The following RBFOX3 variants were observed in gnomAD, a reference collection of about 807,000 sequenced individuals.
The protein encoded by RBFOX3 is RNA binding fox-1 homolog 3.
Under a neutral mutation model 48.7 loss-of-function variants are expected in RBFOX3, and 17 were observed. That is an observed-to-expected ratio of 0.35 (90% CI 0.24 to 0.52). The LOEUF is 0.52. Among genes scored for constraint, RBFOX3 ranks in the 20% least tolerant of loss-of-function variants. RBFOX3 has a pLI of 0.94. For synonymous variants in RBFOX3, 212 were observed against 209.5 expected, an observed-to-expected ratio of 1.01 and a Z score of -0.10; for missense variants, 382 against 497.5, an observed-to-expected ratio of 0.77 and a Z score of 2.21.
At chr17:79,407,259 C>T (rs948134935) in intron 2 of RBFOX3, among the ~76,000 whole-genome samples, 6 of 152,354 alleles carry the variant, frequency 3.9e-5, no homozygotes, top group African/African-American at 4.8e-5. Flanking sequence ...CCACCTGCCT[C>T]GGCCTCCCAA....
rs988960861 is a variant in RBFOX3 at position 79,578,870 on chromosome 17, G to A, written c.-320+31956C>T. Reference sequence around the variant, plus strand: ...GGTCTTTGCCCAGGGCTGACCTCAGGGCTCGCTCCATCACCGCATGACCCC... The same window carrying A: ...GGTCTTTGCCCAGGGCTGACCTCAGAGCTCGCTCCATCACCGCATGACCCC... On this transcript the variant is annotated intron_variant, in intron 1 of 14. Coordinates refer to ENST00000693108, the MANE Select transcript of RBFOX3 (RefSeq NM_001350451.2). Among the ~76,000 whole-genome samples the A allele has an allele frequency of 8.3e-4, 126 of 152,204 alleles. 4 individuals carry two copies. The South Asian group carries it at 0.018, about 22-fold the overall frequency.
intron 2 of RBFOX3, among the ~76,000 whole-genome samples, chr17:79,475,127 G>C (rs2077545385): frequency 6.6e-6 from 1 of 152,138 alleles, no homozygotes; most frequent in Non-Finnish European, 1.5e-5. Flanking sequence ...TTGTTCTCAA[G>C]TCCGATCTCA....
intron 4 of RBFOX3, among the ~76,000 whole-genome samples, chr17:79,137,654 C>T (rs994316585): frequency 5.0e-5 from 7 of 140,984 alleles, no homozygotes; most frequent in South Asian, 2.3e-4. Flanking sequence ...CCCGGGCACG[C>T]GGGGAGGGTG....
intron 2 of RBFOX3, among the ~76,000 whole-genome samples, chr17:79,382,540 A>C (rs1268682442): frequency 1.3e-5 from 2 of 150,482 alleles, no homozygotes; most frequent in Admixed American, 1.3e-4. Flanking sequence ...TGACACGGGC[A>C]GGCGGGGCCC....
rs143130342 is a variant in RBFOX3 at position 79,428,313 on chromosome 17, C to A, written c.-175+54141G>T. Among the ~76,000 whole-genome samples, 294 of 152,292 alleles carry A rather than the reference C, an allele frequency of 1.9e-3. 1 individual carries two copies. The highest frequency in any genetic ancestry group is 0.01 in the South Asian group (50 of 4,826). On this transcript the variant is annotated intron_variant, in intron 2 of 14. Transcript: ENST00000693108. ...AGGGCAGGTGCCATGGGGGAGCTCG[C>A]GGGGCAGGACGGTCTCCTGCAGACC...
Position 79,412,079 on chromosome 17 carries a change from C to T in RBFOX3, c.-175+70375G>A, listed in dbSNP as rs141207334. 6.2e-3 allele frequency among the ~76,000 whole-genome samples: 934 copies of T among 150,372 alleles called. 5 individuals are homozygous for T. Among genetic ancestry groups the T allele is most frequent in the Admixed American group, 0.014 (206 of 15,158 alleles). Reference sequence around the variant, plus strand: ...TGGTATGTGTGCGTGTAGACGCATGCGTGTATATACGTATGTGGGGTGGTG... The same window carrying T: ...TGGTATGTGTGCGTGTAGACGCATGTGTGTATATACGTATGTGGGGTGGTG... On this transcript the variant is annotated intron_variant, in intron 2 of 14. Transcript: ENST00000693108.
chr17:79,113,318 G>A (rs1255935125), intron 5 of RBFOX3, among the ~76,000 whole-genome samples: 1 of 152,180 alleles, frequency 6.6e-6, no homozygotes, highest in African/African-American at 2.4e-5. Context: ...CAAGGTTGGG[G>A]AGCGCATGGC....
At chr17:79,094,416 T>A in intron 14 of RBFOX3, 35 bp downstream of exon 14, 1 of 1,462,754 alleles carries the variant, frequency 6.8e-7, no homozygotes, top group Non-Finnish European at 9.1e-7. Flanking sequence ...CTGTTAGGAC[T>A]GGCACCCAGG....
chr17:79,348,571 CTTTTTTTTTTTT>C (rs71358701), intron 2 of RBFOX3, among the ~76,000 whole-genome samples: 2 of 75,144 alleles, frequency 2.7e-5, no homozygotes, highest in African/African-American at 1.1e-4. Context: ...TTTTCTTTTC[CTTTTTTTTTTTT>C]TTTTTTTTTT....
chr17:79,592,287 T>A (rs1048874364), intron 1 of RBFOX3, among the ~76,000 whole-genome samples: 2 of 147,566 alleles, frequency 1.4e-5, no homozygotes, highest in African/African-American at 5.1e-5. Context: ...GGGTGTGGAA[T>A]ATTGTTGTGT....
At chr17:79,551,322 T>C (rs2091122539) in intron 1 of RBFOX3, among the ~76,000 whole-genome samples, 1 of 152,010 alleles carries the variant, frequency 6.6e-6, no homozygotes, top group Admixed American at 6.6e-5. Flanking sequence ...AACTTTAACA[T>C]GTAGTATAAT....
chr17:79,187,384 G>A (rs892549129), intron 4 of RBFOX3, among the ~76,000 whole-genome samples: 8 of 152,198 alleles, frequency 5.3e-5, no homozygotes, highest in Admixed American at 2.0e-4. Context: ...TGGCAGCAGC[G>A]CTCCCAGGAC....
intron 3 of RBFOX3, among the ~76,000 whole-genome samples, chr17:79,267,572 G>A (rs2066926891): frequency 6.6e-6 from 1 of 152,106 alleles, no homozygotes; most frequent in Admixed American, 6.5e-5. Flanking sequence ...TGTATTTTTA[G>A]TACAGACAGG....
At chr17:79,568,868 C>A (rs1034630940) in intron 1 of RBFOX3, among the ~76,000 whole-genome samples, 3 of 152,114 alleles carry the variant, frequency 2.0e-5, no homozygotes, top group Admixed American at 1.3e-4. Context: ...GTGGAAAGCA[C>A]CTGAGTCAGC....
At chr17:79,584,149 C>T (rs1236681661) in intron 1 of RBFOX3, among the ~76,000 whole-genome samples, 2 of 152,178 alleles carry the variant, frequency 1.3e-5, no homozygotes, top group Non-Finnish European at 2.9e-5. Context: ...AAATGCTCCA[C>T]ATCACTAATG....
chr17:79,377,800 C>T (rs892341011), intron 2 of RBFOX3, among the ~76,000 whole-genome samples: 1 of 152,132 alleles, frequency 6.6e-6, no homozygotes, highest in Non-Finnish European at 1.5e-5. Flanking sequence ...GACCCGAGGT[C>T]GCTGCCCTGG....
chr17:79,467,447 T>C (rs62061749), intron 2 of RBFOX3, among the ~76,000 whole-genome samples: 23,169 of 152,192 alleles, frequency 0.15, 3,744 homozygotes, highest in African/African-American at 0.41. Context: ...AGATGATCCC[T>C]CTCTTGGTAC....
chr17:79,115,177 G>A (rs975006383), intron 5 of RBFOX3, among the ~76,000 whole-genome samples: 3 of 152,340 alleles, frequency 2.0e-5, no homozygotes, highest in East Asian at 1.9e-4. Context: ...GTGTTTGCTC[G>A]AAGCAGGGAA....
chr17:79,138,474 T>C (rs7222623), intron 4 of RBFOX3, among the ~76,000 whole-genome samples: 62,038 of 151,924 alleles, frequency 0.41, 13,537 homozygotes, highest in East Asian at 0.78. Context: ...ATACACACCA[T>C]GTCACAGTCA....
Sources: gnomAD v4.1 joint callset for allele counts (sites outside exome capture counted in the v4.1 genomes callset) on GRCh38, gnomAD v4.1.1 for gene constraint, MANE v1.5 for transcripts, NCBI Gene and HGNC (gene_info 2026-07-23, HGNC 2026-07-21) for gene names.